Variants in RAB3D observed in about 807,000 individuals in gnomAD.
The protein encoded by RAB3D is ras-related protein Rab-3D.
In RAB3D, 17 loss-of-function variants were observed where a neutral mutation model predicts 19.3. The ratio of observed to expected loss-of-function variants is 0.88; its 90% CI spans 0.60 to 1.32. The LOEUF (loss-of-function observed/expected upper bound fraction) is 1.32. Ranked by LOEUF, RAB3D falls within the 40% of genes most tolerant of loss-of-function variation. RAB3D has a pLI of 0.00. For missense variants in RAB3D, 223 were observed against 299.1 expected, an observed-to-expected ratio of 0.75 and a Z score of 1.88; for synonymous variants, 103 against 119.9, an observed-to-expected ratio of 0.86 and a Z score of 0.92.
chr19:11,331,031 AT>A (rs60349500), intron 4 of RAB3D, among the ~76,000 whole-genome samples: 3 of 149,936 alleles, frequency 2.0e-5, no homozygotes, highest in African/African-American at 7.4e-5. Context: ...AAAAAAAAAA[AT>A]TTAAAAAATA....
Position 11,337,446 on chromosome 19 carries a change from G to C in RAB3D, c.-47C>G, listed in dbSNP as rs546122937. The C allele has an allele frequency of 2.7e-6, 4 of 1,497,244 alleles. No homozygotes were observed. The African/African-American group carries it at 4.1e-5, about 15-fold the overall frequency. The allele number at this position is 1,497,244 out of a possible 1,614,324, so 92.7% of individuals were successfully genotyped here. A position where few individuals can be genotyped will look rare whatever the true frequency, so the allele number is the denominator to read the frequency against. ...CAGGGAGACCTGAAATCCTCAGGGAGAGGAGACGGGCGTCCTGCAGGGGAA... is the reference window on the plus strand; with the variant it reads ...CAGGGAGACCTGAAATCCTCAGGGACAGGAGACGGGCGTCCTGCAGGGGAA... On this transcript the variant is annotated 5_prime_UTR_variant, in exon 2 of 5. Coordinates refer to ENST00000222120, the MANE Select transcript of RAB3D (RefSeq NM_004283.4).
rs1442461424 is a variant in RAB3D, at chr19:11,323,175, T to TACTTTAGTTTG, written c.*2212_*2222dup. The stretch of plus-strand genomic sequence containing the variant: ...GCATCTTGAGAAGTCTTTTTGAAGC[T>TACTTTAGTTTG]ACTTTAGTTTGACTTTAGTGTTAAA... On this transcript the variant is annotated 3_prime_UTR_variant, in exon 5 of 5. Transcript: ENST00000222120. The TACTTTAGTTTG allele has an allele frequency of 7.1e-6, 1 of 140,912 alleles. No individual in the cohort carries two copies. The highest frequency in any genetic ancestry group is 6.6e-5 in the Admixed American group (1 of 15,082). The allele number at this position is 140,912 out of a possible 1,614,324, so 8.7% of individuals were successfully genotyped here.
At position 11,324,567 on chromosome 19, in the gene RAB3D, T is replaced by A. The variant is rs2080800156; in HGVS notation, c.*831A>T. On this transcript the variant is annotated 3_prime_UTR_variant, in exon 5 of 5. Transcript: ENST00000222120. ...CTCCTGGCTCTGAGGTTAATTAACT[T>A]CTGGCCGAAAGCCCAGAGCCGGAGT... 1.3e-5 allele frequency: 2 copies of A among 152,640 alleles called. No homozygotes were observed. The highest frequency in any genetic ancestry group is 6.5e-5 in the Admixed American group (1 of 15,278). 9.5% of individuals were successfully genotyped at this position (152,640 alleles called of 1,614,324 possible). A position where few individuals can be genotyped will look rare whatever the true frequency, so the allele number is the denominator to read the frequency against.
chr19:11,336,947 G>A (rs528550559), intron 2 of RAB3D, among the ~76,000 whole-genome samples: 1 of 150,318 alleles, frequency 6.7e-6, no homozygotes, highest in African/African-American at 2.5e-5. Flanking sequence ...TCCAGCCTGG[G>A]CGACAGAGCA....
intron 4 of RAB3D, among the ~76,000 whole-genome samples, chr19:11,326,391 CA>C (rs2080813123): frequency 6.6e-6 from 1 of 152,012 alleles, no homozygotes; most frequent in Admixed American, 6.6e-5. Context: ...AAAAACAAAA[CA>C]AAACGAAACC....
At position 11,335,428 on chromosome 19, in the gene RAB3D, G is replaced by A. The variant is rs1599359694; in HGVS notation, c.472+19C>T. The A allele has an allele frequency of 5.6e-6, 9 of 1,613,588 alleles. No individual in the cohort carries two copies. The highest frequency in any genetic ancestry group is 7.6e-6 in the Non-Finnish European group (9 of 1,179,728). ...TGGTTCTGGGAGACCAGGGCCTGTG[G>A]CCCAGGCTGGGCACTAACCAAGGTC... On this transcript the variant is annotated intron_variant, in intron 4 of 4. Transcript: ENST00000222120.
Position 11,335,911 on chromosome 19 carries a change from C to T in RAB3D, c.229-128G>A, listed in dbSNP as rs118068594. On this transcript the variant is annotated intron_variant, in intron 2 of 4. Coordinates refer to ENST00000222120, the MANE Select transcript of RAB3D (RefSeq NM_004283.4). ...GGAGACACAGACTTGCTTGTACAAC[C>T]TCTGGTCTGATGGAGAATACACAGA... 1,029 of 841,474 alleles carry T rather than the reference C, an allele frequency of 1.2e-3. 20 individuals are homozygous for T. The East Asian group carries it at 0.025, about 21-fold the overall frequency. The allele number at this position is 841,474 out of a possible 1,614,324, so 52.1% of individuals were successfully genotyped here. A position where few individuals can be genotyped will look rare whatever the true frequency, so the allele number is the denominator to read the frequency against.
At chr19:11,327,366 A>G (rs10422167) in intron 4 of RAB3D, among the ~76,000 whole-genome samples, 18,970 of 152,132 alleles carry the variant, frequency 0.12, 2,743 homozygotes, top group African/African-American at 0.35. Context: ...TTCCTTATCC[A>G]CGCGTGGCTT....
rs113369403 is a variant in RAB3D, at chr19:11,326,213, T to G, written c.473-628A>C. 5.4e-3 allele frequency among the ~76,000 whole-genome samples: 780 copies of G among 145,428 alleles called. 10 individuals are homozygous for G. Among genetic ancestry groups the G allele is most frequent in the Non-Finnish European group, 8.9e-3 (600 of 67,464 alleles). ...CTCCAGCCTGGGCAACAGAGCGAGA[T>G]TCTATTAAAAAAAAAAAAATAGAGG... On this transcript the variant is annotated intron_variant, in intron 4 of 4. Transcript: ENST00000222120.
chr19:11,335,707 T>G lies in RAB3D; in HGVS notation c.305A>C (p.Tyr102Ser), dbSNP rs751262244. 3.1e-6 allele frequency: 5 copies of G among 1,614,146 alleles called. No individual in the cohort carries two copies. The highest frequency in any genetic ancestry group is 4.2e-6 in the Non-Finnish European group (5 of 1,180,014). Residue 102 changes from tyrosine to serine, a missense_variant, in exon 3 of 5, where the codon TAT (tyrosine) becomes TCT (serine). By Grantham distance (144) the Tyr-to-Ser change is moderately radical. Transcript: ENST00000222120. The part of the protein sequence containing the change: ...YRGAMGFLLM[Y>S]DIANQESFAA... Reference sequence around the variant, plus strand: ...AAAGGATTCCTGATTGGCGATGTCATACATGAGCAGGAAGCCCATGGCTCC... The same window carrying G: ...AAAGGATTCCTGATTGGCGATGTCAGACATGAGCAGGAAGCCCATGGCTCC...
rs951017432 is a variant in RAB3D at position 11,324,441 on chromosome 19, A to G, written c.*957T>C. The G allele has an allele frequency of 6.6e-6, 1 of 152,304 alleles. No homozygotes were observed. Among genetic ancestry groups the G allele is most frequent in the Non-Finnish European group, 1.5e-5 (1 of 68,036 alleles). 9.4% of individuals were successfully genotyped at this position (152,304 alleles called of 1,614,324 possible). ...CTGCGGTGGCTGGGAACGTTGCTTC[A>G]TTTCCTTTTCTAGCAGGATGCATGA... On this transcript the variant is annotated 3_prime_UTR_variant, in exon 5 of 5. Coordinates refer to ENST00000222120, the MANE Select transcript of RAB3D (RefSeq NM_004283.4).
intron 4 of RAB3D, among the ~76,000 whole-genome samples, chr19:11,326,114 C>T (rs1355331098): frequency 6.6e-6 from 1 of 151,524 alleles, no homozygotes. Flanking sequence ...CCCAGCTACT[C>T]GGGAGGCTGA....
intron 4 of RAB3D, among the ~76,000 whole-genome samples, chr19:11,329,689 T>G (rs2080829179): frequency 6.6e-6 from 1 of 151,938 alleles, no homozygotes; most frequent in Non-Finnish European, 1.5e-5. Flanking sequence ...ATCTTCTTTT[T>G]GTGTGTGTGT....
In RAB3D at chr19:11,337,253, G is replaced by A. The variant is rs151261006; in HGVS notation, c.147C>T (p.Pro49=). ...LFRYADDSFT[P]AFVSTVGIDF... ...CGATGCCCACAGTACTGACGAAGGCGGGAGTGAAGGAGTCGTCCGCGTATC... is the reference window on the plus strand; with the variant it reads ...CGATGCCCACAGTACTGACGAAGGCAGGAGTGAAGGAGTCGTCCGCGTATC... Residue 49 remains proline (P), a synonymous_variant, in exon 2 of 5, where the codon CCC becomes CCT. Transcript: ENST00000222120. 32 of 1,614,000 alleles carry A rather than the reference G, an allele frequency of 2.0e-5. No homozygotes were observed. Among genetic ancestry groups the A allele is most frequent in the African/African-American group, 1.9e-4 (14 of 74,908 alleles).
chr19:11,332,409 A>G (rs2080838509), intron 4 of RAB3D, among the ~76,000 whole-genome samples: 1 of 151,644 alleles, frequency 6.6e-6, no homozygotes, highest in African/African-American at 2.4e-5. Flanking sequence ...CAGTGGTGCA[A>G]TCTTGGCTCA....
chr19:11,336,442 G>A (rs1966896017), intron 2 of RAB3D, among the ~76,000 whole-genome samples: 1 of 152,052 alleles, frequency 6.6e-6, no homozygotes, highest in East Asian at 1.9e-4. Context: ...CTGAATAGCT[G>A]AGACTACAGG....
chr19:11,326,704 A>G (rs904084784), intron 4 of RAB3D: 1 of 671,168 alleles, frequency 1.5e-6, no homozygotes, highest in Admixed American at 2.1e-5. Flanking sequence ...CCTGGGCTCA[A>G]GCGATCCTCC....
intron 4 of RAB3D, 119 bp downstream of exon 4, chr19:11,335,328 G>C (rs1200349529): frequency 7.1e-6 from 10 of 1,402,400 alleles, no homozygotes; most frequent in Non-Finnish European, 9.7e-6. Context: ...CATACACATG[G>C]GTATCTTCCT....
chr19:11,333,222 G>A (rs868546752), intron 4 of RAB3D, among the ~76,000 whole-genome samples: 43 of 151,484 alleles, frequency 2.8e-4, no homozygotes, highest in Admixed American at 1.4e-3. Context: ...TGGGACTACC[G>A]GCGCCCACCA....
Sources: gnomAD v4.1 joint callset for allele counts (sites outside exome capture counted in the v4.1 genomes callset) on GRCh38, gnomAD v4.1.1 for gene constraint, MANE v1.5 for transcripts, NCBI Gene and HGNC (gene_info 2026-07-23, HGNC 2026-07-21) for gene names.